FSTL5: variants seen among roughly 807,000 people sequenced by gnomAD.
FSTL5 encodes follistatin-related protein 5.
Under a neutral mutation model 89.1 loss-of-function variants are expected in FSTL5, and 62 were observed. The ratio of observed to expected loss-of-function variants is 0.70; its 90% CI spans 0.57 to 0.86. FSTL5 has a LOEUF of 0.86. Among genes scored for constraint, FSTL5 ranks in the 40% least tolerant of loss-of-function variants. FSTL5 has a pLI of 0.00. For synonymous variants in FSTL5, 383 were observed against 346.2 expected (o/e 1.11, Z -1.18); for missense variants, 1,057 against 1,001.6 (o/e 1.06, Z -0.75).
intron 7 of FSTL5, among the ~76,000 whole-genome samples, chr4:161,646,846 A>C (rs1736171084): frequency 6.6e-6 from 1 of 152,088 alleles, no homozygotes; most frequent in Admixed American, 6.6e-5. Flanking sequence ...TTTTATTATT[A>C]CTATTTTTAT....
chr4:162,007,444 A>C (rs187297555), intron 3 of FSTL5, among the ~76,000 whole-genome samples: 1 of 151,988 alleles, frequency 6.6e-6, no homozygotes, highest in East Asian at 1.9e-4. Context: ...ATAAAAATGT[A>C]ATAGAGAAAA....
intron 1 of FSTL5, among the ~76,000 whole-genome samples, chr4:162,121,712 A>T (rs952500018): frequency 2.0e-5 from 3 of 151,778 alleles, no homozygotes; most frequent in African/African-American, 7.3e-5. Context: ...GACAGTATCT[A>T]AAAAAAAGTT....
intron 1 of FSTL5, among the ~76,000 whole-genome samples, chr4:162,147,174 C>T (rs577440370): frequency 6.6e-6 from 1 of 152,128 alleles, no homozygotes; most frequent in Admixed American, 6.5e-5. Flanking sequence ...TATGATTTCA[C>T]TTGTTTTCTT....
chr4:162,156,751 G>A (rs1478676139), intron 1 of FSTL5, among the ~76,000 whole-genome samples: 1 of 152,096 alleles, frequency 6.6e-6, no homozygotes, highest in Non-Finnish European at 1.5e-5. Context: ...AGAGTGGAGA[G>A]GCGGGAGGGA....
At chr4:162,131,736 T>C (rs1732309138) in intron 1 of FSTL5, among the ~76,000 whole-genome samples, 1 of 152,228 alleles carries the variant, frequency 6.6e-6, no homozygotes, top group African/African-American at 2.4e-5. Context: ...GAGAGCCCAC[T>C]GGTGTCTGCA....
chr4:161,888,218 C>T (rs544366079), intron 4 of FSTL5, among the ~76,000 whole-genome samples: 1 of 152,208 alleles, frequency 6.6e-6, no homozygotes, highest in South Asian at 2.1e-4. Context: ...TGAGTTTTGG[C>T]TGGTGAAAAT....
intron 1 of FSTL5, among the ~76,000 whole-genome samples, chr4:162,146,118 T>C (rs1394472189): frequency 6.6e-6 from 1 of 152,126 alleles, no homozygotes; most frequent in Non-Finnish European, 1.5e-5. Context: ...GAAATAATAG[T>C]GATTTTTGTG....
intron 4 of FSTL5, among the ~76,000 whole-genome samples, chr4:161,826,513 C>T (rs780892682): frequency 6.6e-6 from 1 of 151,972 alleles, no homozygotes; most frequent in African/African-American, 2.4e-5. Flanking sequence ...ATTGTGTTGC[C>T]ATCTATCTCA....
intron 6 of FSTL5, among the ~76,000 whole-genome samples, chr4:161,740,469 A>G (rs1476974655): frequency 1.3e-5 from 2 of 152,138 alleles, no homozygotes; most frequent in Non-Finnish European, 2.9e-5. Context: ...CCCATATTAT[A>G]AAAGAAAAAA....
chr4:161,387,495 T>A (rs1401500507), intron 15 of FSTL5: 5 of 152,034 alleles, frequency 3.3e-5, no homozygotes, highest in Non-Finnish European at 7.4e-5. Context: ...CCTGTGTAAT[T>A]ATCTTTATGC....
chr4:161,964,408 G>T (rs560307207), intron 3 of FSTL5, among the ~76,000 whole-genome samples: 1 of 152,144 alleles, frequency 6.6e-6, no homozygotes, highest in South Asian at 2.1e-4. Context: ...TTACCATGTA[G>T]AATCTTAAAA....
At chr4:162,068,428 C>T (rs1729442771) in intron 2 of FSTL5, among the ~76,000 whole-genome samples, 1 of 151,996 alleles carries the variant, frequency 6.6e-6, no homozygotes, top group South Asian at 2.1e-4. Flanking sequence ...TTCGACAAAC[C>T]TATCAAAAGC....
chr4:162,066,316 T>TCTTCTTC, intron 2 of FSTL5, among the ~76,000 whole-genome samples: 1 of 57,162 alleles, frequency 1.7e-5, no homozygotes, highest in Non-Finnish European at 3.3e-5. Context: ...TTCTTCTTCT[T>TCTTCTTC]CTTCTTCTTC....
chr4:161,448,651 C>T (rs1355381755), intron 15 of FSTL5, among the ~76,000 whole-genome samples: 2 of 152,108 alleles, frequency 1.3e-5, no homozygotes, highest in Non-Finnish European at 2.9e-5. Flanking sequence ...GAGCGGTGTC[C>T]GCTACTTACT....
chr4:161,601,608 A>G (rs1467735385), intron 7 of FSTL5, among the ~76,000 whole-genome samples: 2 of 152,096 alleles, frequency 1.3e-5, no homozygotes, highest in Non-Finnish European at 2.9e-5. Context: ...AAGCAACAGC[A>G]AACTACCCTT....
chr4:161,721,950 A>G (rs1241684167), intron 6 of FSTL5, among the ~76,000 whole-genome samples: 3 of 152,308 alleles, frequency 2.0e-5, no homozygotes, highest in South Asian at 4.1e-4. Context: ...AGTAATTGAA[A>G]TTGTAAAATG....
intron 6 of FSTL5, among the ~76,000 whole-genome samples, chr4:161,746,873 A>G (rs1441604192): frequency 2.6e-5 from 4 of 151,882 alleles, no homozygotes; most frequent in African/African-American, 9.7e-5. Context: ...CAGTCCCCCA[A>G]ATGCTTGCAA....
chr4:161,939,642 G>C (rs1734523517), intron 3 of FSTL5, among the ~76,000 whole-genome samples: 2 of 151,894 alleles, frequency 1.3e-5, no homozygotes, highest in South Asian at 4.2e-4. Flanking sequence ...TGTTACAAAA[G>C]GGAAAAGTAC....
At chr4:161,963,403 T>C (rs1735235453) in intron 3 of FSTL5, among the ~76,000 whole-genome samples, 1 of 151,972 alleles carries the variant, frequency 6.6e-6, no homozygotes, top group African/African-American at 2.4e-5. Context: ...GTTTCTTCAA[T>C]TGCAAGGTTA....
Sources: allele counts gnomAD v4.1 joint callset (sites outside exome capture counted in the v4.1 genomes callset), GRCh38; gene constraint gnomAD v4.1.1; transcripts MANE v1.5; gene names NCBI Gene and HGNC (gene_info 2026-07-23, HGNC 2026-07-21).